Variants in KLHL5 observed in about 807,000 individuals in gnomAD.
KLHL5 encodes kelch like family member 5, also known as kelch-like protein 5.
In KLHL5, 48 loss-of-function variants were observed where a neutral mutation model predicts 77.7. The ratio of observed to expected loss-of-function variants is 0.62; its 90% confidence interval spans 0.49 to 0.79. KLHL5 has a LOEUF of 0.79. Ranked by LOEUF, KLHL5 falls within the 30% of genes least tolerant of loss-of-function variation. The probability of loss-of-function intolerance (pLI) is 0.00; values close to 1 mark genes in which losing one functional copy is unlikely to be tolerated. For missense variants in KLHL5, 723 were observed against 859.7 expected (o/e 0.84, Z 1.99); for synonymous variants, 260 against 297.0 (o/e 0.88, Z 1.28).
intron 1 of KLHL5, among the ~76,000 whole-genome samples, chr4:39,074,795 A>G (rs139282083): frequency 6.6e-6 from 1 of 152,318 alleles, no homozygotes; most frequent in African/African-American, 2.4e-5. Flanking sequence ...TGATTCAACA[A>G]AGCATATGTC....
At chr4:39,076,990 C>G (rs1193963795) in intron 2 of KLHL5, among the ~76,000 whole-genome samples, 1 of 151,296 alleles carries the variant, frequency 6.6e-6, no homozygotes, top group African/African-American at 2.4e-5. Flanking sequence ...AACAGACAAC[C>G]CACAGAGAGG....
chr4:39,112,802 G>T, intron 8 of KLHL5: 1 of 496,190 alleles, frequency 2.0e-6, no homozygotes, highest in Non-Finnish European at 3.6e-6. Context: ...GCCTTCATGT[G>T]CAGTTTGTTT....
chr4:39,062,900 C>T lies in KLHL5; in HGVS notation c.248C>T (p.Pro83Leu), dbSNP rs770587138. 6.2e-7 allele frequency: 1 copy of T among 1,614,114 alleles called. No homozygotes were observed. The highest frequency in any genetic ancestry group is 8.5e-7 in the Non-Finnish European group (1 of 1,180,012). The part of the protein sequence containing the change: ...QLDFQNSPSW[P>L]MASTSEVPAF... ...GATTTTCAGAATTCACCTTCTTGGC[C>T]AATGGCATCCACCTCTGAAGTCCCT... The change falls in exon 1 of 11, where the codon CCA becomes CTA. Residue 83 changes from proline (P) to leucine (L), a missense_variant. This residue lies in a region of KLHL5 where 221 missense variants were observed against 222.1 expected (regional missense o/e 1.00). Transcript: ENST00000504108.
intron 2 of KLHL5, among the ~76,000 whole-genome samples, chr4:39,080,109 G>A (rs1719473007): frequency 6.6e-6 from 1 of 152,116 alleles, no homozygotes; most frequent in African/African-American, 2.4e-5. Flanking sequence ...ATTAGAGAGG[G>A]AGCCAATGAT....
At chr4:39,082,306 G>A (rs1332780856) in intron 4 of KLHL5, 147 bp downstream of exon 4, 6 of 660,646 alleles carry the variant, frequency 9.1e-6, no homozygotes, top group Non-Finnish European at 1.3e-5. Context: ...TATTTTCATT[G>A]AGTTATAATG....
chr4:39,111,716 A>G (rs1277514869), intron 8 of KLHL5, among the ~76,000 whole-genome samples: 2 of 152,218 alleles, frequency 1.3e-5, no homozygotes, highest in Non-Finnish European at 2.9e-5. Flanking sequence ...GTTTTATGAT[A>G]AATTTTAATA....
rs1408725983 is a variant in KLHL5 at position 39,103,374 on chromosome 4, T to C, written c.1388T>C (p.Val463Ala). The change falls in exon 7 of 11, where the codon GTT (valine) becomes GCT (alanine). Residue 463 changes from valine to alanine, a missense_variant. This residue lies in a region of KLHL5 where 288 missense variants were observed against 400.3 expected (regional missense o/e 0.72). Transcript: ENST00000504108. ...NMNGRRLQFG[V>A]AVLDDKLYVV... ...AATGGGAGGAGGCTACAGTTCGGTG[T>C]TGCAGTGCTAGATGACAAACTGTAT... 6.2e-7 allele frequency: 1 copy of C among 1,614,016 alleles called. No individual in the cohort carries two copies. Among genetic ancestry groups the C allele is most frequent in the Non-Finnish European group, 8.5e-7 (1 of 1,180,034 alleles).
At position 39,076,014 on chromosome 4, in the gene KLHL5, T is replaced by G; in HGVS notation, c.433T>G (p.Cys145Gly). The part of the protein sequence containing the change: ...TLSSCHTMEP[C>G]TSDEFFQALN... ...ATCATCCTGTCATACTATGGAGCCATGTACATCAGATGAATTTTTCCAAGC... is the reference window on the plus strand; with the variant it reads ...ATCATCCTGTCATACTATGGAGCCAGGTACATCAGATGAATTTTTCCAAGC... The change falls in exon 2 of 11, where the codon TGT (cysteine) becomes GGT (glycine). Residue 145 changes from cysteine to glycine, a missense_variant. Physicochemically the swap from Cys to Gly is radical, Grantham distance 159 (BLOSUM62 -3). Coordinates refer to ENST00000504108, the MANE Select transcript of KLHL5 (RefSeq NM_015990.5). 6.2e-7 allele frequency: 1 copy of G among 1,612,832 alleles called. No individual in the cohort carries two copies. The highest frequency in any genetic ancestry group is 8.5e-7 in the Non-Finnish European group (1 of 1,179,578).
downstream of KLHL5, chr4:39,126,850 T>C (rs1048644726): frequency 2.4e-6 from 1 of 410,860 alleles, no homozygotes; most frequent in South Asian, 1.7e-5. Context: ...ACCAAAAATG[T>C]ATTTAATGTA....
chr4:39,130,188 A>G (rs1468884633), downstream of KLHL5, among the ~76,000 whole-genome samples: 2 of 152,214 alleles, frequency 1.3e-5, no homozygotes, highest in Non-Finnish European at 2.9e-5. Flanking sequence ...ATTTACCCAC[A>G]TACTTATTAA....
chr4:39,071,500 G>C lies in KLHL5; in HGVS notation c.384-4465G>C, dbSNP rs1011855723. Among the ~76,000 whole-genome samples, 3 of 152,152 alleles carry C rather than the reference G, an allele frequency of 2.0e-5. No individual in the cohort carries two copies. In the East Asian group the frequency reaches 5.8e-4, roughly 29 times the overall value. On this transcript the variant is annotated intron_variant, in intron 1 of 10. Transcript: ENST00000504108. ...TACAATAAAAAGGTGTATTGGCCAT[G>C]GTGTGTATTGTGTGAGCACATGTAC...
At chr4:39,057,025 C>T (rs1717053679) in intron 1 of KLHL5, among the ~76,000 whole-genome samples, 1 of 152,088 alleles carries the variant, frequency 6.6e-6, no homozygotes, top group African/African-American at 2.4e-5. Context: ...TTCACCATTG[C>T]CAAATTAATC....
rs976637527 is a variant in KLHL5, at chr4:39,123,372, A to G, written c.*2306A>G. ...CACCCTGTGACATTCTATAAGGCGG[A>G]CATTACCTTAACACCAAAGCCAGAC... is the stretch of plus-strand genomic sequence containing the variant. On this transcript the variant is annotated 3_prime_UTR_variant, in exon 11 of 11. Coordinates refer to ENST00000504108, the MANE Select transcript of KLHL5 (RefSeq NM_015990.5). Among the ~76,000 whole-genome samples the G allele has an allele frequency of 6.6e-6, 1 of 152,230 alleles. No homozygotes were observed. The highest frequency in any genetic ancestry group is 1.9e-4 in the East Asian group (1 of 5,202).
At chr4:39,086,447 C>T in intron 4 of KLHL5, 68 bp from the exon 5 acceptor site, 1 of 1,280,316 alleles carries the variant, frequency 7.8e-7, no homozygotes. Flanking sequence ...AAAGCTTTTA[C>T]TTTCTTCTAA....
chr4:39,132,163 C>G, the KLHL5 span, among the ~76,000 whole-genome samples: 1 of 152,040 alleles, frequency 6.6e-6, no homozygotes, highest in African/African-American at 2.4e-5. Context: ...TCCCCATTAT[C>G]AGGAGACTAC....
the KLHL5 span, among the ~76,000 whole-genome samples, chr4:39,141,553 C>T: frequency 2.7e-4 from 41 of 152,048 alleles, no homozygotes; most frequent in East Asian, 4.1e-3. Context: ...CCTCGTGATC[C>T]GCCCACCTCG....
Position 39,121,134 on chromosome 4 carries a change from A to G in KLHL5, c.*68A>G, listed in dbSNP as rs1295389616. The stretch of plus-strand genomic sequence containing the variant: ...TTAATTTAGTATAATTATTCTATCA[A>G]TGGATACATTTTTAGTAAATGTGCA... On this transcript the variant is annotated 3_prime_UTR_variant, in exon 11 of 11. Transcript: ENST00000504108. 3 of 1,181,064 alleles carry G rather than the reference A, an allele frequency of 2.5e-6. No individual in the cohort carries two copies. The highest frequency in any genetic ancestry group is 1.5e-5 in the African/African-American group (1 of 66,232). The allele number at this position is 1,181,064 out of a possible 1,614,324, so 73.2% of individuals were successfully genotyped here.
intron 4 of KLHL5, among the ~76,000 whole-genome samples, chr4:39,085,847 T>G (rs1719989728): frequency 1.3e-5 from 2 of 152,102 alleles, no homozygotes. Flanking sequence ...TAGAAGAGAT[T>G]AAAAATTTAA....
At chr4:39,078,447 C>G (rs1195014999) in intron 2 of KLHL5, among the ~76,000 whole-genome samples, 1 of 151,156 alleles carries the variant, frequency 6.6e-6, no homozygotes, top group Non-Finnish European at 1.5e-5. Flanking sequence ...GTAATCCTAG[C>G]GCTTTGGAAG....
Sources: gnomAD v4.1 joint callset for allele counts (sites outside exome capture counted in the v4.1 genomes callset) on GRCh38, gnomAD v4.1.1 for gene constraint, gnomAD v4.1.1 regional missense constraint, MANE v1.5 for transcripts, NCBI Gene and HGNC (gene_info 2026-07-23, HGNC 2026-07-21) for gene names.